KCNH1: variants seen among roughly 807,000 people sequenced by gnomAD.
The protein encoded by KCNH1 is voltage-gated delayed rectifier potassium channel KCNH1.
KCNH1 carries 27 observed loss-of-function variants against 69.2 expected under a neutral mutation model. The ratio of observed to expected loss-of-function variants is 0.39; its 90% CI spans 0.29 to 0.54. KCNH1 has a LOEUF of 0.54. KCNH1 is among the 20% of genes least tolerant of loss of function. The probability of loss-of-function intolerance (pLI) is 0.68; values close to 1 mark genes in which losing one functional copy is unlikely to be tolerated. For synonymous variants in KCNH1, 456 were observed against 487.7 expected (o/e 0.93, Z 0.86); for missense variants, 798 against 1,261.6 (o/e 0.63, Z 5.57).
At chr1:211,090,481 C>G (rs1286034422) in intron 4 of KCNH1, 81 bp downstream of exon 4, 2 of 1,287,766 alleles carry the variant, frequency 1.6e-6, no homozygotes, top group Admixed American at 2.5e-5. Context: ...ATTGCCTTGA[C>G]AACCTTAAAT....
rs140861953 is a variant in KCNH1, at chr1:210,914,649, A to C, written c.1462+4991T>G. 5.5e-3 allele frequency among the ~76,000 whole-genome samples: 830 copies of C among 152,200 alleles called. 7 individuals are homozygous for C. Among genetic ancestry groups the C allele is most frequent in the Middle Eastern group, 0.031 (9 of 292 alleles). Reference sequence around the variant, plus strand: ...TGCTATGTGGGAGTTTCCAGGCCTGAGGAAGAGGTTACCTAAAGCATTAAT... The same window carrying C: ...TGCTATGTGGGAGTTTCCAGGCCTGCGGAAGAGGTTACCTAAAGCATTAAT... On this transcript the variant is annotated intron_variant, in intron 7 of 10. Transcript: ENST00000271751.
At chr1:210,791,161 G>A (rs1281615596) in intron 9 of KCNH1, among the ~76,000 whole-genome samples, 3 of 152,112 alleles carry the variant, frequency 2.0e-5, no homozygotes, top group Non-Finnish European at 2.9e-5. Flanking sequence ...GTGAAGAATT[G>A]GTCATTTCTT....
chr1:211,012,448 G>C (rs1158119102), intron 6 of KCNH1, among the ~76,000 whole-genome samples: 1 of 152,098 alleles, frequency 6.6e-6, no homozygotes, highest in African/African-American at 2.4e-5. Context: ...CCATACAATA[G>C]GATATTATTC....
intron 1 of KCNH1, among the ~76,000 whole-genome samples, chr1:211,120,223 C>CT (rs1691661575): frequency 1.4e-5 from 2 of 143,174 alleles, no homozygotes; most frequent in African/African-American, 5.2e-5. Flanking sequence ...GGGTTTTGCT[C>CT]TTGTCCCCCA....
intron 1 of KCNH1, among the ~76,000 whole-genome samples, chr1:211,122,543 A>T (rs1185774355): frequency 2.0e-5 from 3 of 152,242 alleles, no homozygotes; most frequent in East Asian, 3.8e-4. Flanking sequence ...TTATTGCAGC[A>T]CTATTTACAA....
chr1:210,822,620 T>C (rs1365934992), intron 7 of KCNH1, among the ~76,000 whole-genome samples: 1 of 152,134 alleles, frequency 6.6e-6, no homozygotes, highest in African/African-American at 2.4e-5. Flanking sequence ...CCCACATTTT[T>C]ATTTTGCACT....
chr1:210,943,894 A>C (rs543214847), intron 6 of KCNH1, among the ~76,000 whole-genome samples: 1 of 152,338 alleles, frequency 6.6e-6, no homozygotes, highest in South Asian at 2.1e-4. Context: ...ACCTGTGTAC[A>C]TTCCATGGGG....
At chr1:211,010,117 C>T (rs947758425) in intron 6 of KCNH1, among the ~76,000 whole-genome samples, 2 of 152,176 alleles carry the variant, frequency 1.3e-5, no homozygotes, top group Non-Finnish European at 2.9e-5. Flanking sequence ...CTCACATTCT[C>T]CAGTCACATT....
rs187188535 is a variant in KCNH1, at chr1:211,001,817, C to T, written c.1032+16966G>A. The stretch of plus-strand genomic sequence containing the variant: ...AACAAAATGTGGCATATATACACCA[C>T]GGAATACTATGCAGCCATAAAAAGG... On this transcript the variant is annotated intron_variant, in intron 6 of 10. Transcript: ENST00000271751. Among the ~76,000 whole-genome samples the T allele has an allele frequency of 8.5e-5, 13 of 152,132 alleles. No homozygotes were observed. The East Asian group carries it at 9.7e-4, about 11-fold the overall frequency.
intron 10 of KCNH1, among the ~76,000 whole-genome samples, chr1:210,723,129 G>A (rs1378712212): frequency 1.3e-5 from 2 of 152,120 alleles, no homozygotes; most frequent in East Asian, 1.9e-4. Context: ...AAACCCCAAT[G>A]GGAAACCTGC....
intron 5 of KCNH1, among the ~76,000 whole-genome samples, chr1:211,023,727 T>C (rs1486368588): frequency 6.6e-6 from 1 of 151,958 alleles, no homozygotes; most frequent in Non-Finnish European, 1.5e-5. Context: ...AAAAAACAGG[T>C]AAGTATTTAA....
chr1:210,769,024 A>G lies in KCNH1; in HGVS notation c.2112+6324T>C, dbSNP rs183948665. Among the ~76,000 whole-genome samples, 603 of 152,226 alleles carry G rather than the reference A, an allele frequency of 4.0e-3. 4 individuals carry two copies. The highest frequency in any genetic ancestry group is 4.0e-3 in the Non-Finnish European group (270 of 68,006). ...CCCCCTCCCCCGACTCCTAATTCCAACACCATGATTTTATTATCTTTTTGG... is the reference window on the plus strand; with the variant it reads ...CCCCCTCCCCCGACTCCTAATTCCAGCACCATGATTTTATTATCTTTTTGG... On this transcript the variant is annotated intron_variant, in intron 10 of 10. Transcript: ENST00000271751.
At chr1:211,025,205 C>T (rs1689663158) in intron 5 of KCNH1, among the ~76,000 whole-genome samples, 1 of 152,198 alleles carries the variant, frequency 6.6e-6, no homozygotes, top group South Asian at 2.1e-4. Flanking sequence ...TCTTATAAAT[C>T]TCTAGGTAAA....
intron 10 of KCNH1, among the ~76,000 whole-genome samples, chr1:210,728,361 T>C (rs564968366): frequency 1.3e-5 from 2 of 152,186 alleles, no homozygotes; most frequent in East Asian, 3.9e-4. Context: ...TGGTGAATAG[T>C]GAAATGAATA....
rs185062782 is a variant in KCNH1 at position 211,051,607 on chromosome 1, C to A, written c.558+31173G>T. On this transcript the variant is annotated intron_variant, in intron 5 of 10. Transcript: ENST00000271751. ...AGAGAGTGTTTGACAGACATAAGTG[C>A]CTCCTGGCTGATGCTGAGGTCAAAG... Among the ~76,000 whole-genome samples, 210 of 152,284 alleles carry A rather than the reference C, an allele frequency of 1.4e-3. 2 individuals carry two copies. Among genetic ancestry groups the A allele is most frequent in the Admixed American group, 4.1e-3 (63 of 15,298 alleles).
chr1:210,775,242 A>G (rs1683838256), intron 10 of KCNH1, 106 bp downstream of exon 10: 1 of 930,826 alleles, frequency 1.1e-6, no homozygotes, highest in South Asian at 1.7e-5. Context: ...TTTAGAACCA[A>G]TTACTCTACT....
chr1:210,887,580 A>C (rs780373693), intron 7 of KCNH1, among the ~76,000 whole-genome samples: 1 of 152,152 alleles, frequency 6.6e-6, no homozygotes, highest in Non-Finnish European at 1.5e-5. Context: ...AAATGCCCCA[A>C]TTAAAAGACA....
At chr1:210,761,375 A>G (rs1405742439) in intron 10 of KCNH1, among the ~76,000 whole-genome samples, 1 of 152,106 alleles carries the variant, frequency 6.6e-6, no homozygotes, top group African/African-American at 2.4e-5. Context: ...TACAACAGGA[A>G]CAAAATCTCA....
intron 7 of KCNH1, among the ~76,000 whole-genome samples, chr1:210,839,323 A>G (rs561950246): frequency 2.6e-4 from 40 of 152,272 alleles, no homozygotes; most frequent in African/African-American, 9.6e-4. Context: ...AAAACCAAAT[A>G]CTACATGTTC....
Sources: allele counts gnomAD v4.1 joint callset (sites outside exome capture counted in the v4.1 genomes callset), GRCh38; gene constraint gnomAD v4.1.1; transcripts MANE v1.5; gene names NCBI Gene and HGNC (gene_info 2026-07-23, HGNC 2026-07-21).